AQR: variants seen among roughly 807,000 people sequenced by gnomAD.
AQR encodes the protein aquarius intron-binding spliceosomal factor.
In AQR, 61 loss-of-function variants were observed where a neutral mutation model predicts 180.5. The ratio of observed to expected loss-of-function variants is 0.34; its 90% confidence interval spans 0.28 to 0.42. The LOEUF is 0.42. Among genes scored for constraint, AQR ranks in the 10% least tolerant of loss-of-function variants. The pLI, the probability that AQR is intolerant of heterozygous loss-of-function variation, is 1.00. For missense variants in AQR, 1,281 were observed against 1,798.3 expected (o/e 0.71, Z 5.20); for synonymous variants, 551 against 588.8 (o/e 0.94, Z 0.93).
At chr15:34,904,537 A>G (rs1893382630) in intron 18 of AQR, 32 bp from the exon 19 acceptor site, 1 of 1,559,544 alleles carries the variant, frequency 6.4e-7, no homozygotes, top group Non-Finnish European at 8.7e-7. Context: ...GTTAAATAAA[A>G]TATGTATTTT....
intron 24 of AQR, among the ~76,000 whole-genome samples, chr15:34,887,352 A>G (rs1893077892): frequency 6.6e-6 from 1 of 152,234 alleles, no homozygotes; most frequent in Admixed American, 6.5e-5. Context: ...ATGTAAGTTC[A>G]CAAACTGGCT....
chr15:34,919,926 A>C (rs1031544869), intron 14 of AQR, among the ~76,000 whole-genome samples: 2 of 152,080 alleles, frequency 1.3e-5, no homozygotes, highest in South Asian at 2.1e-4. Flanking sequence ...AACAAACAAA[A>C]AAACAAAAAA....
intron 14 of AQR, among the ~76,000 whole-genome samples, chr15:34,919,871 C>G (rs1893657530): frequency 6.6e-6 from 1 of 151,916 alleles, no homozygotes; most frequent in Non-Finnish European, 1.5e-5. Context: ...GCACTCCAGC[C>G]TGGGCGACAG....
intron 9 of AQR, 111 bp downstream of exon 9, chr15:34,938,626 C>A (rs1224106540): frequency 8.5e-6 from 6 of 707,512 alleles, no homozygotes; most frequent in African/African-American, 5.3e-5. Flanking sequence ...TACACTTTGC[C>A]AATACAATTT....
At chr15:34,951,645 T>A (rs1894234658) in intron 4 of AQR, among the ~76,000 whole-genome samples, 1 of 143,994 alleles carries the variant, frequency 6.9e-6, no homozygotes, top group African/African-American at 2.6e-5. Flanking sequence ...CACTCCAGCC[T>A]GGCAACAGAG....
chr15:34,875,853 A>T, intron 28 of AQR, 82 bp downstream of exon 28: 4 of 1,082,418 alleles, frequency 3.7e-6, no homozygotes, highest in Non-Finnish European at 4.2e-6. Context: ...CAATCAGCAC[A>T]CCCAAACTGT....
At chr15:34,877,472 C>T (rs1172709223) in intron 27 of AQR, among the ~76,000 whole-genome samples, 1 of 152,090 alleles carries the variant, frequency 6.6e-6, no homozygotes, top group East Asian at 1.9e-4. Flanking sequence ...GTAGGCATTT[C>T]CCTATTATAA....
At chr15:34,893,607 G>GTGCACACA in intron 23 of AQR, 56 bp downstream of exon 23, 1 of 997,688 alleles carries the variant, frequency 1.0e-6, no homozygotes. Flanking sequence ...GCGCATGCGT[G>GTGCACACA]CACACACACA....
intron 6 of AQR, among the ~76,000 whole-genome samples, chr15:34,943,575 G>A (rs1255658352): frequency 6.6e-6 from 1 of 151,964 alleles, no homozygotes; most frequent in Non-Finnish European, 1.5e-5. Flanking sequence ...ATAGTACATG[G>A]AAACAGGTAA....
At chr15:34,874,462 T>G in intron 29 of AQR, 1 of 519,362 alleles carries the variant, frequency 1.9e-6, no homozygotes. Flanking sequence ...TATAAGTTAC[T>G]TAAATTAATA....
At chr15:34,908,684 A>G (rs755520214) in intron 17 of AQR, among the ~76,000 whole-genome samples, 8 of 152,154 alleles carry the variant, frequency 5.3e-5, no homozygotes, top group Non-Finnish European at 7.3e-5. Context: ...AGAAAAAAAG[A>G]CTGTCTCATG....
At chr15:34,953,858 C>G (rs555635718) in intron 3 of AQR, among the ~76,000 whole-genome samples, 1 of 152,170 alleles carries the variant, frequency 6.6e-6, no homozygotes, top group Non-Finnish European at 1.5e-5. Flanking sequence ...GATAGAATAC[C>G]AGTGTTCTAG....
chr15:34,948,127 C>A, intron 5 of AQR, 137 bp downstream of exon 5: 2 of 898,522 alleles, frequency 2.2e-6, no homozygotes, highest in South Asian at 2.5e-5. Flanking sequence ...TTCACATACC[C>A]ATTCTTTTTC....
rs1351827655 is a variant in AQR, at chr15:34,853,505, G to A, written c.*3287C>T. 3 of 152,164 alleles carry A rather than the reference G, an allele frequency of 2.0e-5. No individual in the cohort carries two copies. Among genetic ancestry groups the A allele is most frequent in the Non-Finnish European group, 2.9e-5 (2 of 68,026 alleles). The allele number at this position is 152,164 out of a possible 1,614,324, so 9.4% of individuals were successfully genotyped here. On this transcript the variant is annotated 3_prime_UTR_variant, in exon 35 of 35. Coordinates refer to ENST00000156471, the MANE Select transcript of AQR (RefSeq NM_014691.3). The stretch of plus-strand genomic sequence containing the variant: ...AATTTTGGCAGAGATCACTCTCGAT[G>A]TTATGATGTACTGATTCAGAGGTCC...
At chr15:34,950,084 C>CTTTTTTTTTTTTTTTT (rs1174370425) in intron 4 of AQR, among the ~76,000 whole-genome samples, 6 of 74,056 alleles carry the variant, frequency 8.1e-5, no homozygotes, top group Non-Finnish European at 1.4e-4. Flanking sequence ...TGCTATTTTC[C>CTTTTTTTTTTTTTTTT]TTTTTTTTTT....
chr15:34,869,922 T>C (rs1039073648), intron 31 of AQR: 1 of 152,216 alleles, frequency 6.6e-6, no homozygotes, highest in Non-Finnish European at 1.5e-5. Flanking sequence ...GGAGCATGTA[T>C]CCTATCTATG....
At chr15:34,916,503 T>C (rs1893590238) in intron 15 of AQR, among the ~76,000 whole-genome samples, 1 of 152,098 alleles carries the variant, frequency 6.6e-6, no homozygotes, top group South Asian at 2.1e-4. Context: ...ACATTATTTA[T>C]ATTAGTAAAC....
intron 2 of AQR, among the ~76,000 whole-genome samples, chr15:34,962,266 A>G (rs60358948): frequency 0.05 from 7,579 of 152,030 alleles, 273 homozygotes; most frequent in African/African-American, 0.1. Flanking sequence ...CAAGTGACCT[A>G]CCGCCTCAGC....
intron 1 of AQR, among the ~76,000 whole-genome samples, chr15:34,966,424 T>C (rs1008595167): frequency 6.6e-6 from 1 of 152,232 alleles, no homozygotes; most frequent in Non-Finnish European, 1.5e-5. Flanking sequence ...CCAACTCAAA[T>C]GATACTTTCT....
Sources: allele counts gnomAD v4.1 joint callset (sites outside exome capture counted in the v4.1 genomes callset), GRCh38; gene constraint gnomAD v4.1.1; transcripts MANE v1.5; gene names NCBI Gene and HGNC (gene_info 2026-07-23, HGNC 2026-07-21).